Variants in CEP63 observed in about 807,000 individuals in gnomAD.
The protein encoded by CEP63 is centrosomal protein 63.
Under a neutral mutation model 89.1 loss-of-function variants are expected in CEP63, and 84 were observed. The observed-to-expected ratio is 0.94, with a 90% CI of 0.79 to 1.13. The LOEUF (loss-of-function observed/expected upper bound fraction) is 1.13. Among genes scored for constraint, CEP63 ranks in the 50% most tolerant of loss-of-function variants. The pLI is 0.00. For synonymous variants in CEP63, 267 were observed against 272.5 expected, an observed-to-expected ratio of 0.98 and a Z score of 0.20; for missense variants, 838 against 813.3, an observed-to-expected ratio of 1.03 and a Z score of -0.37.
the CEP63 span, among the ~76,000 whole-genome samples, chr3:134,663,510 C>G: frequency 6.6e-6 from 1 of 152,188 alleles, no homozygotes; most frequent in African/African-American, 2.4e-5. Context: ...ATAGAGCTCT[C>G]ATTCACGTGA....
the CEP63 span, among the ~76,000 whole-genome samples, chr3:134,749,736 G>GAAAAAAAAAAAAA: frequency 1.3e-4 from 7 of 55,774 alleles, no homozygotes; most frequent in Admixed American, 3.9e-4. Flanking sequence ...AAAAAAAAAG[G>GAAAAAAAAAAAAA]AAAATGATGC....
the CEP63 span, among the ~76,000 whole-genome samples, chr3:134,740,619 A>G: frequency 1.8e-3 from 279 of 152,110 alleles, 1 homozygote; most frequent in Middle Eastern, 6.8e-3. Flanking sequence ...TTCCTGTCCT[A>G]CATCCGACCT....
chr3:134,583,006 G>T (rs1269277063), intron 10 of CEP63, among the ~76,000 whole-genome samples: 2 of 152,128 alleles, frequency 1.3e-5, no homozygotes, highest in Non-Finnish European at 2.9e-5. Flanking sequence ...CATATCCTTT[G>T]CCCACTTTTT....
At chr3:134,696,971 A>G in the CEP63 span, among the ~76,000 whole-genome samples, 29 of 152,348 alleles carry the variant, frequency 1.9e-4, no homozygotes, top group East Asian at 4.8e-3. Context: ...AGATCATGGA[A>G]GTAAAACTAT....
At chr3:134,537,767 G>T (rs1951065000) in intron 6 of CEP63, among the ~76,000 whole-genome samples, 1 of 152,108 alleles carries the variant, frequency 6.6e-6, no homozygotes, top group Non-Finnish European at 1.5e-5. Flanking sequence ...GGTCACTGGG[G>T]TATCTTGGCC....
the CEP63 span, among the ~76,000 whole-genome samples, chr3:134,679,797 A>C: frequency 6.6e-6 from 1 of 152,182 alleles, no homozygotes; most frequent in African/African-American, 2.4e-5. Flanking sequence ...ACCTCGGCTC[A>C]CTGCAACCTC....
At chr3:134,642,285 G>T in the CEP63 span, among the ~76,000 whole-genome samples, 1 of 152,144 alleles carries the variant, frequency 6.6e-6, no homozygotes, top group African/African-American at 2.4e-5. Flanking sequence ...GTTTCATATG[G>T]GGCATGGGGG....
chr3:134,538,537 A>ATG (rs1267653765), intron 6 of CEP63, among the ~76,000 whole-genome samples: 1 of 137,702 alleles, frequency 7.3e-6, no homozygotes, highest in Non-Finnish European at 1.6e-5. Context: ...GTGTGTGTAT[A>ATG]TATATATATA....
the CEP63 span, among the ~76,000 whole-genome samples, chr3:134,643,078 C>G: frequency 6.6e-6 from 1 of 152,196 alleles, no homozygotes; most frequent in Non-Finnish European, 1.5e-5. Flanking sequence ...GCAGCGTGCT[C>G]TGAGGCCCAT....
intron 2 of CEP63, among the ~76,000 whole-genome samples, chr3:134,501,906 C>T (rs1942107047): frequency 6.6e-6 from 1 of 152,068 alleles, no homozygotes; most frequent in Non-Finnish European, 1.5e-5. Flanking sequence ...TGTCATGTCC[C>T]AGGTGTCAAG....
the CEP63 span, among the ~76,000 whole-genome samples, chr3:134,658,020 C>T: frequency 3.6e-4 from 55 of 152,286 alleles, no homozygotes; most frequent in African/African-American, 1.3e-3. Context: ...ACTCAGCCTC[C>T]GGAGTAGCTG....
the CEP63 span, among the ~76,000 whole-genome samples, chr3:134,688,046 G>T: frequency 1.3e-5 from 2 of 152,180 alleles, no homozygotes. Context: ...ATATGATATA[G>T]AAATCCCACT....
the CEP63 span, among the ~76,000 whole-genome samples, chr3:134,697,694 G>C: frequency 9.8e-5 from 15 of 152,316 alleles, no homozygotes; most frequent in African/African-American, 3.1e-4. Flanking sequence ...ATGGGCGGCA[G>C]ATTTGCTTCT....
intron 3 of CEP63, among the ~76,000 whole-genome samples, chr3:134,519,927 A>T (rs1436403578): frequency 6.6e-6 from 1 of 152,188 alleles, no homozygotes; most frequent in East Asian, 1.9e-4. Context: ...TGTTAAGGGA[A>T]TTTCCTTAAT....
chr3:134,721,997 G>A, the CEP63 span, among the ~76,000 whole-genome samples: 2 of 152,164 alleles, frequency 1.3e-5, no homozygotes, highest in South Asian at 4.1e-4. Context: ...AGAATGAGTT[G>A]GAAAGTGTTT....
the CEP63 span, among the ~76,000 whole-genome samples, chr3:134,762,956 G>A: frequency 6.6e-6 from 1 of 152,162 alleles, no homozygotes; most frequent in South Asian, 2.1e-4. Flanking sequence ...GACCCAGAAA[G>A]CTCATCATTC....
rs111463371 is a variant in CEP63, at chr3:134,496,440, G to C, written c.44+1076G>C. On this transcript the variant is annotated intron_variant, in intron 2 of 14. Transcript: ENST00000675561. ...AAAGGATAGAAAAAAAAGGGGGGGG[G>C]GGCTAAAGAACTAGTCCAAAGAGAA... Among the ~76,000 whole-genome samples the C allele has an allele frequency of 9.1e-3, 1,355 of 148,342 alleles. 23 individuals carry two copies. The highest frequency in any genetic ancestry group is 0.032 in the African/African-American group (1,267 of 40,180).
At chr3:134,526,773 GT>G (rs907046582) in intron 3 of CEP63, among the ~76,000 whole-genome samples, 57 of 146,326 alleles carry the variant, frequency 3.9e-4, no homozygotes, top group Middle Eastern at 3.5e-3. Flanking sequence ...CTTGGATGAG[GT>G]TTTTTTTTTT....
chr3:134,591,692 C>T (rs1386720169), downstream of CEP63, among the ~76,000 whole-genome samples: 1 of 150,114 alleles, frequency 6.7e-6, no homozygotes, highest in Non-Finnish European at 1.5e-5. Context: ...ACCATCTCTA[C>T]AAAACAAACA....
Sources: gnomAD v4.1 joint callset for allele counts (sites outside exome capture counted in the v4.1 genomes callset) on GRCh38, gnomAD v4.1.1 for gene constraint, MANE v1.5 for transcripts, NCBI Gene and HGNC (gene_info 2026-07-23, HGNC 2026-07-21) for gene names.